The following HACD3 variants were observed in gnomAD, a reference collection of about 807,000 sequenced individuals.
HACD3 encodes very-long-chain (3R)-3-hydroxyacyl-CoA dehydratase 3.
HACD3 carries 30 observed loss-of-function variants against 55.2 expected under a neutral mutation model. The observed-to-expected ratio is 0.54, with a 90% CI of 0.41 to 0.74. The LOEUF is 0.74. Among genes scored for constraint, HACD3 ranks in the 30% least tolerant of loss-of-function variants. HACD3 has a pLI of 0.00. For missense variants in HACD3, 363 were observed against 440.1 expected (o/e 0.82, Z 1.57); for synonymous variants, 141 against 151.7 (o/e 0.93, Z 0.52).
At chr15:65,557,400 G>A (rs747621518) in intron 4 of HACD3, among the ~76,000 whole-genome samples, 1 of 151,984 alleles carries the variant, frequency 6.6e-6, no homozygotes, top group Non-Finnish European at 1.5e-5. Flanking sequence ...GCGTGAACTC[G>A]GGAGGCGGGG....
intron 10 of HACD3, among the ~76,000 whole-genome samples, chr15:65,572,576 A>C (rs1443679694): frequency 6.6e-6 from 1 of 152,324 alleles, no homozygotes; most frequent in African/African-American, 2.4e-5. Flanking sequence ...ATGTTCTTTA[A>C]GTGCTCTTGG....
At chr15:65,534,579 G>A (rs1172402235) in intron 1 of HACD3, 1 of 152,242 alleles carries the variant, frequency 6.6e-6, no homozygotes, top group African/African-American at 2.4e-5. Flanking sequence ...TTTGTTTTGG[G>A]TGTTGTGAGC....
At chr15:65,569,116 C>T (rs916417604) in intron 7 of HACD3, among the ~76,000 whole-genome samples, 9 of 151,900 alleles carry the variant, frequency 5.9e-5, no homozygotes, top group South Asian at 4.2e-4. Flanking sequence ...AGCGTGGTGG[C>T]GGGCGCCTGT....
chr15:65,540,134 C>T (rs1042490526), intron 1 of HACD3, among the ~76,000 whole-genome samples: 4 of 152,070 alleles, frequency 2.6e-5, no homozygotes, highest in African/African-American at 9.7e-5. Flanking sequence ...CTATATTTTT[C>T]TGTTTGATTT....
intron 8 of HACD3, among the ~76,000 whole-genome samples, chr15:65,571,205 A>G (rs1293165027): frequency 6.6e-6 from 1 of 152,036 alleles, no homozygotes; most frequent in Non-Finnish European, 1.5e-5. Flanking sequence ...TTTGGTAACA[A>G]CTCACTTATC....
At chr15:65,559,525 G>A (rs2072225328) in intron 5 of HACD3, among the ~76,000 whole-genome samples, 1 of 150,812 alleles carries the variant, frequency 6.6e-6, no homozygotes, top group South Asian at 2.1e-4. Context: ...GAAAGTTTTG[G>A]AGCAGTAGTT....
At chr15:65,557,003 CAAAGTTACAAATTCATTT>C (rs2072198521) in intron 4 of HACD3, 100 bp downstream of exon 4, 2 of 1,151,328 alleles carry the variant, frequency 1.7e-6, no homozygotes, top group African/African-American at 1.6e-5. Context: ...AGAATAGCTA[CAAAGTTACAAATTCATTT>C]AAAGACCTGG....
At chr15:65,539,833 T>C (rs112936455) in intron 1 of HACD3, among the ~76,000 whole-genome samples, 1,925 of 8,466 alleles carry the variant, frequency 0.23, 10 homozygotes, top group Non-Finnish European at 0.46. Context: ...TAATATCAAA[T>C]AAAAAGCAAG....
chr15:65,548,512 CAAA>C (rs5813362), intron 1 of HACD3, among the ~76,000 whole-genome samples: 13 of 79,184 alleles, frequency 1.6e-4, no homozygotes, highest in Non-Finnish European at 1.2e-4. Context: ...GATTCTGTCT[CAAA>C]AAAAAAAAAA....
chr15:65,571,276 G>A (rs2072344850), intron 8 of HACD3, among the ~76,000 whole-genome samples: 1 of 152,004 alleles, frequency 6.6e-6, no homozygotes, highest in Non-Finnish European at 1.5e-5. Context: ...TAGGAATAAA[G>A]CCAAAAAACA....
chr15:65,544,851 G>A (rs2072058397), intron 1 of HACD3, among the ~76,000 whole-genome samples: 1 of 152,000 alleles, frequency 6.6e-6, no homozygotes, highest in Non-Finnish European at 1.5e-5. Flanking sequence ...GAGAAACCCT[G>A]TCTCTACTAA....
intron 1 of HACD3, among the ~76,000 whole-genome samples, chr15:65,545,487 C>T (rs565700921): frequency 1.3e-5 from 2 of 150,722 alleles, no homozygotes; most frequent in South Asian, 2.1e-4. Context: ...CGGAGTCTCG[C>T]TCTGTCGCCC....
intron 1 of HACD3, among the ~76,000 whole-genome samples, chr15:65,549,303 C>T (rs78654936): frequency 0.025 from 3,727 of 151,968 alleles, 64 homozygotes; most frequent in Non-Finnish European, 0.037. Flanking sequence ...TAAGGTCAAA[C>T]CCAGCCTGGT....
rs1223846909 is a variant in HACD3, at chr15:65,530,621, GCAGTGTGGC to G, written c.-8_1del. ...CGAGCCTAGCCTCCCCGCGCCCTGG[GCAGTGTGGC>G]CATGGAGAATCAGGTGTTGACGCCG... is the stretch of plus-strand genomic sequence containing the variant. On this transcript the variant is annotated 5_prime_UTR_variant, in exon 1 of 11. Coordinates refer to ENST00000261875, the MANE Select transcript of HACD3 (RefSeq NM_016395.4). The G allele has an allele frequency of 6.4e-7, 1 of 1,568,522 alleles. No individual in the cohort carries two copies. Among genetic ancestry groups the G allele is most frequent in the Non-Finnish European group, 8.6e-7 (1 of 1,158,028 alleles).
intron 5 of HACD3, among the ~76,000 whole-genome samples, chr15:65,561,924 C>T (rs2072248205): frequency 6.6e-6 from 1 of 152,164 alleles, no homozygotes; most frequent in Non-Finnish European, 1.5e-5. Context: ...CCACAGAACT[C>T]AGGGAAACAC....
chr15:65,535,090 T>G (rs562926891), intron 1 of HACD3, among the ~76,000 whole-genome samples: 1 of 152,324 alleles, frequency 6.6e-6, no homozygotes, highest in East Asian at 1.9e-4. Flanking sequence ...AGATCCTGCC[T>G]TATGCCATAC....
rs1288644038 is a variant in HACD3 at position 65,531,555 on chromosome 15, CTTTCT to C, written c.87+841_87+845del. 42 of 36,324 alleles carry C rather than the reference CTTTCT, an allele frequency of 1.2e-3. No homozygotes were observed. In the East Asian group the frequency reaches 0.03, roughly 26 times the overall value. The allele number at this position is 36,324 out of a possible 1,614,324, so 2.3% of individuals were successfully genotyped here. A position where few individuals can be genotyped will look rare whatever the true frequency, so the allele number is the denominator to read the frequency against. ...ATTCTGGAAGGTTCTTTCTTTCTTT[CTTTCT>C]TTTTTTTTCTTTTCTTTTTTTTGAG... On this transcript the variant is annotated intron_variant, in intron 1 of 10. Coordinates refer to ENST00000261875, the MANE Select transcript of HACD3 (RefSeq NM_016395.4).
chr15:65,536,625 C>A (rs1376095597), intron 1 of HACD3, among the ~76,000 whole-genome samples: 1 of 152,006 alleles, frequency 6.6e-6, no homozygotes, highest in African/African-American at 2.4e-5. Flanking sequence ...GGTGTGGTGG[C>A]GGGTGCCTGT....
At chr15:65,540,942 C>G (rs974943460) in intron 1 of HACD3, among the ~76,000 whole-genome samples, 6 of 152,034 alleles carry the variant, frequency 3.9e-5, no homozygotes, top group African/African-American at 1.4e-4. Context: ...TGAGATATAT[C>G]TGAAGAGAAC....
Sources: gnomAD v4.1 joint callset for allele counts (sites outside exome capture counted in the v4.1 genomes callset) on GRCh38, gnomAD v4.1.1 for gene constraint, MANE v1.5 for transcripts, NCBI Gene and HGNC (gene_info 2026-07-23, HGNC 2026-07-21) for gene names.